The following FASTKD1 variants were observed in gnomAD, a reference collection of about 807,000 sequenced individuals.
The protein encoded by FASTKD1 is FAST kinase domain-containing protein 1, mitochondrial.
A neutral mutation model predicts 90.9 loss-of-function variants in FASTKD1; 94 were observed. The observed-to-expected ratio is 1.03, with a 90% confidence interval of 0.88 to 1.23. The LOEUF (loss-of-function observed/expected upper bound fraction) is 1.23. FASTKD1 is among the 50% of genes most tolerant of loss of function. The probability of loss-of-function intolerance (pLI) is 0.00; values close to 1 mark genes in which losing one functional copy is unlikely to be tolerated. For synonymous variants in FASTKD1, 319 were observed against 345.8 expected, an observed-to-expected ratio of 0.92 and a Z score of 0.86; for missense variants, 945 against 993.5, an observed-to-expected ratio of 0.95 and a Z score of 0.66.
chr2:169,548,599 G>A (rs927018884), intron 7 of FASTKD1, among the ~76,000 whole-genome samples: 34 of 151,732 alleles, frequency 2.2e-4, no homozygotes, highest in African/African-American at 7.7e-4. Context: ...GGGCGTGGTG[G>A]CACATGCCTG....
rs1035478889 is a variant in FASTKD1, at chr2:169,537,476, C to T, written c.2075-136G>A. 15 of 519,818 alleles carry T rather than the reference C, an allele frequency of 2.9e-5. No individual in the cohort carries two copies. In the African/African-American group the frequency reaches 2.9e-4, roughly 10 times the overall value. The allele number at this position is 519,818 out of a possible 1,614,324, so 32.2% of individuals were successfully genotyped here. A position where few individuals can be genotyped will look rare whatever the true frequency, so the allele number is the denominator to read the frequency against. ...CTCAGCTCACTGCAACCTCTGCCTC[C>T]CCAGTTCAAGCAATTCTCCTGCCTC... is the stretch of plus-strand genomic sequence containing the variant. On this transcript the variant is annotated intron_variant, in intron 11 of 14. Transcript: ENST00000453153.
chr2:169,566,741 T>A (rs911711882), intron 3 of FASTKD1, among the ~76,000 whole-genome samples: 11 of 152,086 alleles, frequency 7.2e-5, no homozygotes, highest in African/African-American at 2.7e-4. Context: ...GGATTTCAAA[T>A]ACATGTTAAT....
At chr2:169,552,633 T>C (rs1268075786) in intron 7 of FASTKD1, among the ~76,000 whole-genome samples, 1 of 152,006 alleles carries the variant, frequency 6.6e-6, no homozygotes, top group Non-Finnish European at 1.5e-5. Flanking sequence ...CTAAGTGAAG[T>C]AACACAGGAG....
chr2:169,549,012 G>C (rs922832738), intron 7 of FASTKD1, among the ~76,000 whole-genome samples: 1 of 151,900 alleles, frequency 6.6e-6, no homozygotes. Context: ...CAGGAGAATG[G>C]CGTGAACCCG....
rs778624309 is a variant in FASTKD1, at chr2:169,557,227, T to C, written c.1042A>G (p.Met348Val). 4.0e-5 allele frequency: 64 copies of C among 1,613,014 alleles called. No individual in the cohort carries two copies. The East Asian group carries it at 1.1e-3, about 27-fold the overall frequency. Residue 348 changes from methionine to valine, a missense_variant, in exon 6 of 15, where the codon ATG becomes GTG. Coordinates refer to ENST00000453153, the MANE Select transcript of FASTKD1 (RefSeq NM_024622.6). ...GEQALAVLGA[M>V]GDMESRNSCL... ...GAGTTTCTGCTTTCCATATCTCCCA[T>C]TGCTCCCAACACTGCCAGGGCTTGC...
chr2:169,531,742 C>T (rs577781269), intron 12 of FASTKD1: 43 of 361,034 alleles, frequency 1.2e-4, no homozygotes, highest in Non-Finnish European at 1.8e-4. Flanking sequence ...CTACATTTAG[C>T]GCTGGGCTAG....
chr2:169,540,835 C>T (rs1357249368), intron 9 of FASTKD1, among the ~76,000 whole-genome samples: 1 of 152,154 alleles, frequency 6.6e-6, no homozygotes, highest in African/African-American at 2.4e-5. Flanking sequence ...GATCTCCAAG[C>T]AGAGTGTACA....
chr2:169,542,365 T>C (rs768706856), intron 9 of FASTKD1, among the ~76,000 whole-genome samples: 3 of 152,118 alleles, frequency 2.0e-5, no homozygotes, highest in Admixed American at 6.6e-5. Flanking sequence ...ATAGTGTGAG[T>C]CTGAGAAGAA....
Position 169,563,228 on chromosome 2 carries a change from A to T in FASTKD1, c.569T>A (p.Leu190Ter). Residue 190 changes from leucine to a stop codon, truncating the protein, a stop_gained, in exon 4 of 15, where the codon TTA (leucine) becomes TAA (stop). Coordinates refer to ENST00000453153, the MANE Select transcript of FASTKD1 (RefSeq NM_024622.6). LOFTEE classifies it high-confidence loss of function. ...AAGATTCCCTAAATAAATTTACCTT[A>T]AGTCCTGTGTGGTTTCCAAGTTCCT... The part of the protein sequence containing the change: ...VHRNLETTQD[L>*]SSLSVLMVNI... 6.2e-7 allele frequency: 1 copy of T among 1,609,872 alleles called. No individual in the cohort carries two copies. The highest frequency in any genetic ancestry group is 1.1e-5 in the South Asian group (1 of 90,746).
At position 169,546,377 on chromosome 2, in the gene FASTKD1, C is replaced by T. The variant is rs781450071; in HGVS notation, c.1542G>A (p.Glu514=). The change falls in exon 8 of 15, where the codon GAG becomes GAA. Residue 514 remains glutamate (E), a synonymous_variant. Coordinates refer to ENST00000453153, the MANE Select transcript of FASTKD1 (RefSeq NM_024622.6). ...LKSLKGNTFP[E]SLLEEMIATL... is the part of the protein sequence containing the mutation. ...TAGCAATCATTTCTTCAAGAAGTGA[C>T]TCAGGAAACGTGTTTCCTTTGAGAG... 6.2e-7 allele frequency: 1 copy of T among 1,614,094 alleles called. No individual in the cohort carries two copies. The highest frequency in any genetic ancestry group is 8.5e-7 in the Non-Finnish European group (1 of 1,179,992).
intron 5 of FASTKD1, among the ~76,000 whole-genome samples, chr2:169,559,457 G>A (rs917662710): frequency 4.0e-5 from 6 of 151,638 alleles, no homozygotes; most frequent in African/African-American, 1.5e-4. Flanking sequence ...TTGAGACAAG[G>A]TTTCATTCTG....
chr2:169,539,342 G>A (rs1225637865), intron 10 of FASTKD1, among the ~76,000 whole-genome samples: 1 of 152,120 alleles, frequency 6.6e-6, no homozygotes, highest in Non-Finnish European at 1.5e-5. Flanking sequence ...GGGTACAGTG[G>A]CTCATGCCTG....
At chr2:169,570,806 G>C (rs762103642) in intron 2 of FASTKD1, among the ~76,000 whole-genome samples, 1 of 151,668 alleles carries the variant, frequency 6.6e-6, no homozygotes, top group Admixed American at 6.6e-5. Context: ...CTCCAGAGTA[G>C]CTGGGATTCC....
At chr2:169,573,535 T>TA (rs1684322135) in intron 1 of FASTKD1, 134 bp downstream of exon 1, 1 of 152,286 alleles carries the variant, frequency 6.6e-6, no homozygotes, top group East Asian at 1.9e-4. Flanking sequence ...AGCCCTGCCC[T>TA]AGTCCATCCG....
At chr2:169,551,349 CTGA>C (rs1394455173) in intron 7 of FASTKD1, among the ~76,000 whole-genome samples, 2 of 152,066 alleles carry the variant, frequency 1.3e-5, no homozygotes, top group African/African-American at 4.8e-5. Context: ...AACAGTACTG[CTGA>C]TAATAACCAA....
chr2:169,542,086 C>T (rs1344604474), intron 9 of FASTKD1, among the ~76,000 whole-genome samples: 1 of 152,164 alleles, frequency 6.6e-6, no homozygotes, highest in African/African-American at 2.4e-5. Context: ...TCACACTTAC[C>T]ATGATGCTCC....
chr2:169,558,272 C>G (rs573852090), intron 5 of FASTKD1, among the ~76,000 whole-genome samples: 32 of 152,060 alleles, frequency 2.1e-4, no homozygotes, highest in Non-Finnish European at 4.0e-4. Context: ...GTTTCTTCGT[C>G]TGTTTTGAGA....
chr2:169,571,903 T>C lies in FASTKD1; in HGVS notation c.127A>G (p.Met43Val). 3 of 1,614,006 alleles carry C rather than the reference T, an allele frequency of 1.9e-6. No individual in the cohort carries two copies. Among genetic ancestry groups the C allele is most frequent in the Non-Finnish European group, 2.5e-6 (3 of 1,179,906 alleles). Residue 43 changes from methionine (M) to valine (V), a missense_variant, in exon 2 of 15, where the codon ATG becomes GTG. Physicochemically the swap from Met to Val is conservative, Grantham distance 21. Transcript: ENST00000453153. Reference sequence around the variant, plus strand: ...TGCTCCTCATCTGTACACTTATTCATCTGAATAATTAGTGGTTCACAACTG... The same window carrying C: ...TGCTCCTCATCTGTACACTTATTCACCTGAATAATTAGTGGTTCACAACTG... ...PISCEPLIIQ[M>V]NKCTDEEQMF...
intron 7 of FASTKD1, among the ~76,000 whole-genome samples, chr2:169,550,671 G>A (rs1025797081): frequency 4.6e-5 from 7 of 152,012 alleles, no homozygotes; most frequent in African/African-American, 1.7e-4. Flanking sequence ...TAGAGACAGA[G>A]GCTTGCTATG....
Sources: allele counts gnomAD v4.1 joint callset (sites outside exome capture counted in the v4.1 genomes callset), GRCh38; gene constraint gnomAD v4.1.1; transcripts MANE v1.5; gene names NCBI Gene and HGNC (gene_info 2026-07-23, HGNC 2026-07-21).